SMAP1: variants seen among roughly 807,000 people sequenced by gnomAD.
The protein encoded by SMAP1 is stromal membrane-associated protein 1.
In SMAP1, 24 loss-of-function variants were observed where a neutral mutation model predicts 58.5. The observed-to-expected ratio is 0.41, with a 90% confidence interval of 0.30 to 0.58. The LOEUF is 0.58. SMAP1 is among the 20% of genes least tolerant of loss of function. The pLI is 0.29. For synonymous variants in SMAP1, 216 were observed against 196.6 expected (o/e 1.10, Z -0.82); for missense variants, 563 against 566.3 (o/e 0.99, Z 0.06).
chr6:70,843,517 G>A (rs1022388751), intron 7 of SMAP1, among the ~76,000 whole-genome samples: 3 of 152,188 alleles, frequency 2.0e-5, no homozygotes, highest in African/African-American at 7.2e-5. Flanking sequence ...AGTTGCACAA[G>A]GTCACACAGC....
intron 2 of SMAP1, among the ~76,000 whole-genome samples, chr6:70,735,396 G>A (rs777567288): frequency 1.2e-4 from 18 of 152,118 alleles, no homozygotes; most frequent in Non-Finnish European, 2.4e-4. Flanking sequence ...TAACTTTGAC[G>A]TTTAATTCAG....
intron 3 of SMAP1, among the ~76,000 whole-genome samples, chr6:70,767,065 G>A (rs1315358613): frequency 8.6e-5 from 13 of 151,974 alleles, no homozygotes; most frequent in South Asian, 2.1e-4. Context: ...GTAGATATGC[G>A]GCGTTATTTC....
chr6:70,850,561 T>A (rs112568380), intron 7 of SMAP1, among the ~76,000 whole-genome samples: 4,424 of 151,170 alleles, frequency 0.029, 241 homozygotes, highest in African/African-American at 0.1. Flanking sequence ...TATATACATT[T>A]TATATATATA....
intron 2 of SMAP1, among the ~76,000 whole-genome samples, chr6:70,749,809 AAG>A (rs1350967294): frequency 6.6e-6 from 1 of 152,218 alleles, no homozygotes; most frequent in East Asian, 1.9e-4. Flanking sequence ...ATGTATAAAG[AAG>A]GAAAGTCCAA....
intron 1 of SMAP1, among the ~76,000 whole-genome samples, chr6:70,711,436 C>T (rs1004658289): frequency 2.6e-5 from 4 of 151,750 alleles, no homozygotes; most frequent in African/African-American, 9.7e-5. Context: ...TTTTCTCTTT[C>T]AGATCGATCA....
chr6:70,706,792 T>G (rs1767857930), intron 1 of SMAP1, among the ~76,000 whole-genome samples: 1 of 152,212 alleles, frequency 6.6e-6, no homozygotes, highest in African/African-American at 2.4e-5. Context: ...ATTGTTAGAT[T>G]TTTGGCATGA....
intron 7 of SMAP1, among the ~76,000 whole-genome samples, chr6:70,849,083 G>C (rs571155704): frequency 7.9e-5 from 12 of 152,340 alleles, no homozygotes; most frequent in African/African-American, 2.4e-4. Flanking sequence ...CAGATGGTGA[G>C]AGCAGAGAGC....
chr6:70,853,802 T>C (rs1290589412), intron 8 of SMAP1, among the ~76,000 whole-genome samples: 1 of 152,222 alleles, frequency 6.6e-6, no homozygotes, highest in East Asian at 1.9e-4. Flanking sequence ...CAGGCATAGG[T>C]GTACATGTGA....
chr6:70,742,063 C>T (rs1206729258), intron 2 of SMAP1, among the ~76,000 whole-genome samples: 1 of 152,234 alleles, frequency 6.6e-6, no homozygotes, highest in East Asian at 1.9e-4. Context: ...GCCCCTAAGC[C>T]TGTGATAGGA....
At chr6:70,761,926 G>T (rs1405597926) in intron 3 of SMAP1, among the ~76,000 whole-genome samples, 2 of 152,010 alleles carry the variant, frequency 1.3e-5, no homozygotes, top group Non-Finnish European at 2.9e-5. Context: ...TGTCAACCTT[G>T]TGAGGTGAGT....
intron 6 of SMAP1, among the ~76,000 whole-genome samples, chr6:70,808,545 T>G (rs923724853): frequency 6.6e-6 from 1 of 152,202 alleles, no homozygotes; most frequent in Non-Finnish European, 1.5e-5. Context: ...TCCTGATCCA[T>G]CAGTCACTTA....
intron 6 of SMAP1, among the ~76,000 whole-genome samples, chr6:70,807,665 A>G (rs1360718320): frequency 6.6e-6 from 1 of 152,226 alleles, no homozygotes; most frequent in South Asian, 2.1e-4. Context: ...AAAGGTTTAC[A>G]TATCAAAGCA....
At position 70,837,006 on chromosome 6, in the gene SMAP1, C is replaced by T; in HGVS notation, c.642C>T (p.Pro214=). The change falls in exon 7 of 11, where the codon CCC becomes CCT. Residue 214 remains proline (P), a synonymous_variant. Coordinates refer to ENST00000370455, the MANE Select transcript of SMAP1 (RefSeq NM_001044305.3). ...CCAGCCCTAAAAAAGCTGCGGAGCC[C>T]ACTGTGGATCTTTTAGGACTTGGTA... is the stretch of plus-strand genomic sequence containing the variant. ...KSTSPKKAAE[P]TVDLLGLDGP... is the part of the protein sequence containing the mutation. The T allele has an allele frequency of 6.3e-7, 1 of 1,596,916 alleles. No homozygotes were observed. The highest frequency in any genetic ancestry group is 8.5e-7 in the Non-Finnish European group (1 of 1,172,418).
intron 7 of SMAP1, among the ~76,000 whole-genome samples, chr6:70,846,416 G>A (rs1770992226): frequency 1.3e-5 from 2 of 152,200 alleles, no homozygotes; most frequent in Admixed American, 1.3e-4. Context: ...GGCTATAAAA[G>A]TGGTGCCAGC....
chr6:70,807,977 A>G (rs1382172940), intron 6 of SMAP1, among the ~76,000 whole-genome samples: 1 of 150,986 alleles, frequency 6.6e-6, no homozygotes, highest in Non-Finnish European at 1.5e-5. Context: ...TCTTAATTAT[A>G]TATTATATAT....
chr6:70,673,990 GAT>G lies in SMAP1; in HGVS notation c.118+5862_118+5863del, dbSNP rs138893285. Among the ~76,000 whole-genome samples the G allele has an allele frequency of 8.6e-5, 13 of 151,268 alleles. No homozygotes were observed. In the East Asian group the frequency reaches 2.3e-3, roughly 27 times the overall value. ...CATCTCCTAAATTGTTGCTGTACAA[GAT>G]ATATATATATATCTTTCTCCACCTT... On this transcript the variant is annotated intron_variant, in intron 1 of 10. Transcript: ENST00000370455.
intron 1 of SMAP1, among the ~76,000 whole-genome samples, chr6:70,719,430 C>T (rs2149845396): frequency 6.6e-6 from 1 of 152,232 alleles, no homozygotes; most frequent in Non-Finnish European, 1.5e-5. Flanking sequence ...CTCTCATCCA[C>T]CCTTGAATCT....
At chr6:70,762,459 A>T (rs572626766) in intron 3 of SMAP1, among the ~76,000 whole-genome samples, 1 of 152,278 alleles carries the variant, frequency 6.6e-6, no homozygotes, top group East Asian at 1.9e-4. Flanking sequence ...GTGAACTAAC[A>T]GTACAGAATT....
At chr6:70,774,723 T>G (rs932450526) in intron 4 of SMAP1, among the ~76,000 whole-genome samples, 5 of 151,484 alleles carry the variant, frequency 3.3e-5, no homozygotes, top group African/African-American at 1.2e-4. Context: ...CTCTTTTTAT[T>G]AAAAAAAATT....
Sources: gnomAD v4.1 joint callset for allele counts (sites outside exome capture counted in the v4.1 genomes callset) on GRCh38, gnomAD v4.1.1 for gene constraint, MANE v1.5 for transcripts, NCBI Gene and HGNC (gene_info 2026-07-23, HGNC 2026-07-21) for gene names.